UNC13C: variants seen among roughly 807,000 people sequenced by gnomAD.
UNC13C encodes the protein protein unc-13 homolog C.
In UNC13C, 174 loss-of-function variants were observed where a neutral mutation model predicts 245.4. The ratio of observed to expected loss-of-function variants is 0.71; its 90% CI spans 0.63 to 0.80. The LOEUF (loss-of-function observed/expected upper bound fraction) is 0.80, where lower values mean the gene tolerates loss of function less well. Ranked by LOEUF, UNC13C falls within the 30% of genes least tolerant of loss-of-function variation. The pLI, the probability that UNC13C is intolerant of heterozygous loss-of-function variation, is 0.00. For missense variants in UNC13C, 2,829 were observed against 2,602.9 expected (o/e 1.09, Z -1.89); for synonymous variants, 992 against 895.1 (o/e 1.11, Z -1.93).
At chr15:54,061,682 C>T (rs1297014423) in intron 2 of UNC13C, among the ~76,000 whole-genome samples, 1 of 152,072 alleles carries the variant, frequency 6.6e-6, no homozygotes, top group Non-Finnish European at 1.5e-5. Context: ...CAACATGGTG[C>T]AAGAGAAAGT....
chr15:54,150,468 T>C (rs1407979826), intron 4 of UNC13C, among the ~76,000 whole-genome samples: 2 of 152,234 alleles, frequency 1.3e-5, no homozygotes, highest in African/African-American at 2.4e-5. Context: ...TAATGTCCTA[T>C]GCACAAAGGC....
At chr15:53,910,642 C>G in the UNC13C span, 1 of 146,044 alleles carries the variant, frequency 6.8e-6, no homozygotes, top group Non-Finnish European at 1.5e-5. Flanking sequence ...AAGAGTTAAG[C>G]TGCTGACCCT....
intron 1 of UNC13C, among the ~76,000 whole-genome samples, chr15:53,982,309 A>C (rs1893958821): frequency 6.6e-6 from 1 of 152,140 alleles, no homozygotes; most frequent in African/African-American, 2.4e-5. Flanking sequence ...AGTGTTTTGC[A>C]TGAAAATATT....
At chr15:54,588,171 T>C (rs1859911313) in intron 30 of UNC13C, among the ~76,000 whole-genome samples, 1 of 152,228 alleles carries the variant, frequency 6.6e-6, no homozygotes, top group South Asian at 2.1e-4. Context: ...TCTGCCTCTC[T>C]AGCTTCCCAT....
intron 17 of UNC13C, among the ~76,000 whole-genome samples, chr15:54,349,320 A>G (rs1224223495): frequency 2.0e-5 from 3 of 151,590 alleles, no homozygotes; most frequent in Admixed American, 1.3e-4. Flanking sequence ...AGCCTGAAAA[A>G]TGACTAGCCA....
chr15:53,908,510 G>T, the UNC13C span, among the ~76,000 whole-genome samples: 3 of 145,274 alleles, frequency 2.1e-5, no homozygotes, highest in Non-Finnish European at 4.6e-5. Context: ...AGGCTGAGGT[G>T]GACAGATTAC....
chr15:54,246,442 T>C (rs928147121), intron 7 of UNC13C, among the ~76,000 whole-genome samples: 2 of 150,826 alleles, frequency 1.3e-5, no homozygotes, highest in Non-Finnish European at 2.9e-5. Context: ...TGCAAGAGTA[T>C]TACGTCCTGT....
intron 1 of UNC13C, among the ~76,000 whole-genome samples, chr15:53,982,083 G>A (rs887921120): frequency 2.0e-5 from 3 of 152,050 alleles, no homozygotes; most frequent in East Asian, 1.9e-4. Context: ...CAGAGATTTC[G>A]AAGTATTTTT....
At chr15:54,102,526 G>A (rs989809416) in intron 2 of UNC13C, among the ~76,000 whole-genome samples, 13 of 152,258 alleles carry the variant, frequency 8.5e-5, no homozygotes, top group Non-Finnish European at 8.8e-5. Context: ...TGCAGAACTG[G>A]GAATGTGCTG....
At chr15:53,907,912 A>C in the UNC13C span, among the ~76,000 whole-genome samples, 1 of 146,740 alleles carries the variant, frequency 6.8e-6, no homozygotes, top group African/African-American at 2.4e-5. Context: ...ATCACCCTTG[A>C]TATTTAATTT....
the UNC13C span, among the ~76,000 whole-genome samples, chr15:53,844,141 C>T: frequency 6.6e-6 from 1 of 152,046 alleles, no homozygotes; most frequent in African/African-American, 2.4e-5. Flanking sequence ...AGAGACACAA[C>T]CTCTGAAATC....
chr15:54,449,110 T>A (rs1379221020), intron 19 of UNC13C, among the ~76,000 whole-genome samples: 4 of 152,230 alleles, frequency 2.6e-5, no homozygotes, highest in Non-Finnish European at 5.9e-5. Flanking sequence ...GCCCCCACTC[T>A]CTTCTGGCTT....
At chr15:54,066,558 G>A (rs1898085408) in intron 2 of UNC13C, among the ~76,000 whole-genome samples, 1 of 152,286 alleles carries the variant, frequency 6.6e-6, no homozygotes, top group South Asian at 2.1e-4. Flanking sequence ...CCCACTGCAA[G>A]GTGGCCACAG....
At chr15:54,144,834 C>T (rs1442528385) in intron 4 of UNC13C, among the ~76,000 whole-genome samples, 2 of 151,924 alleles carry the variant, frequency 1.3e-5, no homozygotes, top group African/African-American at 2.4e-5. Flanking sequence ...AAATATATCA[C>T]AATAGATTTT....
At position 54,051,333 on chromosome 15, in the gene UNC13C, T is replaced by G. The variant is rs892077258; in HGVS notation, c.2983+35447T>G. 2.6e-5 allele frequency among the ~76,000 whole-genome samples: 4 copies of G among 152,330 alleles called. No individual in the cohort carries two copies. The South Asian group carries it at 8.3e-4, about 32-fold the overall frequency. ...GCAATTTCATCATTTTCCAAATGAT[T>G]ATAGAGTGTCTTGACACTCATTATT... On this transcript the variant is annotated intron_variant, in intron 2 of 32. Transcript: ENST00000260323.
intron 2 of UNC13C, among the ~76,000 whole-genome samples, chr15:54,058,099 A>G (rs1897624334): frequency 1.4e-5 from 2 of 148,112 alleles, no homozygotes; most frequent in South Asian, 4.1e-4. Context: ...GAAGGCAAGA[A>G]ATAACTAAGA....
At chr15:54,314,805 AGT>A (rs2037968612) in intron 13 of UNC13C, among the ~76,000 whole-genome samples, 1 of 151,890 alleles carries the variant, frequency 6.6e-6, no homozygotes, top group Non-Finnish European at 1.5e-5. Context: ...CTAAATCTTC[AGT>A]TATAACATTG....
intron 4 of UNC13C, among the ~76,000 whole-genome samples, chr15:54,161,955 A>AG (rs967026033): frequency 1.8e-4 from 28 of 151,754 alleles, no homozygotes; most frequent in Middle Eastern, 3.4e-3. Context: ...TTAAAAAAAA[A>AG]TGGCTTTTTC....
At chr15:54,196,941 C>T (rs932999256) in intron 4 of UNC13C, among the ~76,000 whole-genome samples, 1 of 152,066 alleles carries the variant, frequency 6.6e-6, no homozygotes, top group Non-Finnish European at 1.5e-5. Flanking sequence ...ATCACCTCTG[C>T]TCAGTATTGT....
Sources: allele counts gnomAD v4.1 joint callset (sites outside exome capture counted in the v4.1 genomes callset), GRCh38; gene constraint gnomAD v4.1.1; transcripts MANE v1.5; gene names NCBI Gene and HGNC (gene_info 2026-07-23, HGNC 2026-07-21).